The following ATRNL1 variants were observed in gnomAD, a reference collection of about 807,000 sequenced individuals.
ATRNL1 encodes attractin-like protein 1.
Under a neutral mutation model 182.7 loss-of-function variants are expected in ATRNL1, and 95 were observed. The observed-to-expected ratio is 0.52, with a 90% CI of 0.44 to 0.62. The LOEUF (loss-of-function observed/expected upper bound fraction) is 0.62, where lower values mean the gene tolerates loss of function less well. Among genes scored for constraint, ATRNL1 ranks in the 20% least tolerant of loss-of-function variants. ATRNL1 has a pLI of 0.00. For missense variants in ATRNL1, 1,471 were observed against 1,679.5 expected (o/e 0.88, Z 2.17); for synonymous variants, 576 against 568.3 (o/e 1.01, Z -0.19).
At chr10:115,599,045 C>G (rs782005462) in intron 26 of ATRNL1, among the ~76,000 whole-genome samples, 2 of 152,138 alleles carry the variant, frequency 1.3e-5, no homozygotes, top group African/African-American at 2.4e-5. Context: ...TGTTGATTCA[C>G]TGAGTTATGC....
intron 8 of ATRNL1, among the ~76,000 whole-genome samples, chr10:115,204,400 C>T (rs1414891320): frequency 6.6e-6 from 1 of 152,024 alleles, no homozygotes. Context: ...AACTTTTCAC[C>T]ACTGTAGTGT....
At chr10:115,637,980 T>C (rs1027490263) in intron 26 of ATRNL1, among the ~76,000 whole-genome samples, 1 of 152,150 alleles carries the variant, frequency 6.6e-6, no homozygotes. Flanking sequence ...GACCTACTTA[T>C]ACTATACAGT....
rs547369284 is a variant in ATRNL1 at position 115,852,505 on chromosome 10, C to T, written c.4018+4514C>T. Among the ~76,000 whole-genome samples, 3 of 152,010 alleles carry T rather than the reference C, an allele frequency of 2.0e-5. No individual in the cohort carries two copies. In the South Asian group the frequency reaches 6.2e-4, roughly 32 times the overall value. On this transcript the variant is annotated intron_variant, in intron 28 of 28. Transcript: ENST00000355044. ...GCGCTTTATGTATTCATTGGTGTGA[C>T]CCTCTTAATGATTCTGTGGAGATGA...
intron 21 of ATRNL1, among the ~76,000 whole-genome samples, chr10:115,441,536 A>T (rs1359960786): frequency 1.3e-5 from 2 of 151,492 alleles, no homozygotes; most frequent in African/African-American, 4.8e-5. Flanking sequence ...TTTTTTTTCC[A>T]CTTGACCTTA....
chr10:115,167,747 C>A (rs1762228651), intron 7 of ATRNL1, among the ~76,000 whole-genome samples: 2 of 152,056 alleles, frequency 1.3e-5, no homozygotes, highest in South Asian at 4.1e-4. Flanking sequence ...CATATACCTA[C>A]ATTTTTTGCC....
chr10:115,640,811 A>G (rs1458245083), intron 26 of ATRNL1, among the ~76,000 whole-genome samples: 1 of 152,100 alleles, frequency 6.6e-6, no homozygotes, highest in African/African-American at 2.4e-5. Context: ...TTTTGTTGCA[A>G]TTGCCTTTGG....
At chr10:115,558,075 A>AG (rs1184034044) in intron 26 of ATRNL1, among the ~76,000 whole-genome samples, 1 of 151,700 alleles carries the variant, frequency 6.6e-6, no homozygotes, top group Non-Finnish European at 1.5e-5. Flanking sequence ...CAAAAAAAAA[A>AG]AACCATTTAA....
intron 18 of ATRNL1, among the ~76,000 whole-genome samples, chr10:115,317,316 C>T (rs1438796742): frequency 6.6e-6 from 1 of 152,182 alleles, no homozygotes; most frequent in African/African-American, 2.4e-5. Context: ...AGTTCGAAGT[C>T]AGGTAGCATG....
intron 9 of ATRNL1, among the ~76,000 whole-genome samples, chr10:115,231,787 T>C (rs1554900068): frequency 1.3e-5 from 2 of 152,164 alleles, no homozygotes; most frequent in Non-Finnish European, 2.9e-5. Flanking sequence ...GAGAGAACTC[T>C]TGAAAATTTT....
intron 19 of ATRNL1, among the ~76,000 whole-genome samples, chr10:115,384,993 A>G (rs1024166636): frequency 6.6e-6 from 1 of 151,516 alleles, no homozygotes; most frequent in South Asian, 2.1e-4. Flanking sequence ...GTTAATATTT[A>G]TGTGTTTATA....
intron 27 of ATRNL1, among the ~76,000 whole-genome samples, chr10:115,836,500 C>A (rs1950675104): frequency 6.6e-6 from 1 of 152,088 alleles, no homozygotes; most frequent in Non-Finnish European, 1.5e-5. Context: ...CCTCTGAGAC[C>A]CTGAGGGAGA....
chr10:115,600,985 C>T (rs1284694331), intron 26 of ATRNL1, among the ~76,000 whole-genome samples: 9 of 141,172 alleles, frequency 6.4e-5, no homozygotes, highest in South Asian at 2.2e-4. Context: ...GAACCATTGT[C>T]GAAAACATTA....
At chr10:115,659,776 C>T (rs1217568908) in intron 26 of ATRNL1, among the ~76,000 whole-genome samples, 1 of 151,910 alleles carries the variant, frequency 6.6e-6, no homozygotes, top group Non-Finnish European at 1.5e-5. Flanking sequence ...GAATTAGACC[C>T]GCAGAGAGGG....
At chr10:115,310,564 G>A (rs1244352591) in intron 17 of ATRNL1, among the ~76,000 whole-genome samples, 4 of 152,084 alleles carry the variant, frequency 2.6e-5, no homozygotes, top group Non-Finnish European at 5.9e-5. Flanking sequence ...AGCTAGGAGA[G>A]TTGTGTGTTT....
At chr10:115,247,888 A>G (rs1174800595) in intron 10 of ATRNL1, among the ~76,000 whole-genome samples, 3 of 152,220 alleles carry the variant, frequency 2.0e-5, no homozygotes, top group Admixed American at 2.0e-4. Context: ...ATGGAACTGG[A>G]AGACATTATG....
At chr10:115,467,830 A>G (rs559977417) in intron 23 of ATRNL1, among the ~76,000 whole-genome samples, 141 of 150,838 alleles carry the variant, frequency 9.3e-4, no homozygotes, top group Non-Finnish European at 1.7e-3. Flanking sequence ...TTTATGTTGA[A>G]TTATGAAATG....
chr10:115,496,459 A>G (rs1421221031), intron 24 of ATRNL1, among the ~76,000 whole-genome samples: 1 of 151,964 alleles, frequency 6.6e-6, no homozygotes, highest in Admixed American at 6.6e-5. Context: ...TATTTGGTTT[A>G]ATTGAAAGCT....
chr10:115,839,073 C>A (rs1371012230), intron 27 of ATRNL1, among the ~76,000 whole-genome samples: 1 of 152,070 alleles, frequency 6.6e-6, no homozygotes, highest in Non-Finnish European at 1.5e-5. Flanking sequence ...AAGAATATTG[C>A]CAAATCTGCA....
intron 28 of ATRNL1, among the ~76,000 whole-genome samples, chr10:115,904,247 G>A (rs1952436425): frequency 6.6e-6 from 1 of 152,206 alleles, no homozygotes; most frequent in Admixed American, 6.5e-5. Context: ...GACCATCCTG[G>A]AAGAATTTGG....
Sources: gnomAD v4.1 joint callset for allele counts (sites outside exome capture counted in the v4.1 genomes callset) on GRCh38, gnomAD v4.1.1 for gene constraint, MANE v1.5 for transcripts, NCBI Gene and HGNC (gene_info 2026-07-23, HGNC 2026-07-21) for gene names.